Variants in L3MBTL4 observed in about 807,000 individuals in gnomAD.
L3MBTL4 encodes L3MBTL histone methyl-lysine binding protein 4.
L3MBTL4 carries 70 observed loss-of-function variants against 84.5 expected under a neutral mutation model. That is an observed-to-expected ratio of 0.83 (90% CI 0.68 to 1.01). The LOEUF is 1.01. Ranked by LOEUF, L3MBTL4 falls within the 50% of genes least tolerant of loss-of-function variation. The probability of loss-of-function intolerance (pLI) is 0.00; values close to 1 mark genes in which losing one functional copy is unlikely to be tolerated. For synonymous variants in L3MBTL4, 274 were observed against 259.8 expected, an observed-to-expected ratio of 1.05 and a Z score of -0.52; for missense variants, 715 against 754.8, an observed-to-expected ratio of 0.95 and a Z score of 0.62.
chr18:6,324,844 C>T (rs1212886586), intron 1 of L3MBTL4, among the ~76,000 whole-genome samples: 10 of 151,396 alleles, frequency 6.6e-5, no homozygotes, highest in Non-Finnish European at 1.5e-4. Context: ...GCAGACAGAA[C>T]AATCTACACA....
intron 12 of L3MBTL4, among the ~76,000 whole-genome samples, chr18:6,177,028 C>T (rs1298297139): frequency 6.6e-6 from 1 of 152,174 alleles, no homozygotes; most frequent in Non-Finnish European, 1.5e-5. Context: ...GCATTCATAC[C>T]AATGTCGGCA....
At chr18:6,305,196 A>C (rs570606901) in intron 3 of L3MBTL4, among the ~76,000 whole-genome samples, 1 of 152,358 alleles carries the variant, frequency 6.6e-6, no homozygotes, top group African/African-American at 2.4e-5. Context: ...GCAAATGGAA[A>C]AGTATTTAGT....
chr18:6,075,383 G>A (rs1270674534), intron 16 of L3MBTL4, among the ~76,000 whole-genome samples: 1 of 152,046 alleles, frequency 6.6e-6, no homozygotes, highest in Non-Finnish European at 1.5e-5. Context: ...CACATAAATG[G>A]TTACTCGATT....
intron 1 of L3MBTL4, among the ~76,000 whole-genome samples, chr18:6,358,898 G>A (rs564486799): frequency 6.6e-6 from 1 of 152,310 alleles, no homozygotes; most frequent in East Asian, 1.9e-4. Context: ...AACTTGCCAT[G>A]TCTATTTCTG....
intron 16 of L3MBTL4, among the ~76,000 whole-genome samples, chr18:6,019,197 C>T (rs993913553): frequency 2.6e-5 from 4 of 152,022 alleles, no homozygotes; most frequent in African/African-American, 7.3e-5. Flanking sequence ...GCTGATGAGG[C>T]GAGAGCTTAT....
In L3MBTL4 at chr18:6,341,396, T is replaced by G. The variant is rs184133319; in HGVS notation, c.-90-29340A>C. 8.6e-4 allele frequency among the ~76,000 whole-genome samples: 130 copies of G among 151,944 alleles called. 1 individual carries two copies. Among genetic ancestry groups the G allele is most frequent in the Non-Finnish European group, 6.8e-4 (46 of 67,956 alleles). Reference sequence around the variant, plus strand: ...AAACTAAATTATATAAGGGAAACAATGCATATGTGAAGTTAGAATTTCAAC... The same window carrying G: ...AAACTAAATTATATAAGGGAAACAAGGCATATGTGAAGTTAGAATTTCAAC... On this transcript the variant is annotated intron_variant, in intron 1 of 18. Coordinates refer to ENST00000317931, the MANE Select transcript of L3MBTL4 (RefSeq NM_001330559.2).
chr18:6,001,238 G>A (rs1940617), intron 16 of L3MBTL4, among the ~76,000 whole-genome samples: 23 of 152,188 alleles, frequency 1.5e-4, no homozygotes, highest in Non-Finnish European at 2.6e-4. Context: ...GGCTTCCAGG[G>A]TATGTGAAGA....
chr18:6,241,801 T>C (rs1454520964), intron 7 of L3MBTL4, among the ~76,000 whole-genome samples: 1 of 152,168 alleles, frequency 6.6e-6, no homozygotes, highest in African/African-American at 2.4e-5. Flanking sequence ...GGGAGTCTCA[T>C]CGCCCATTAA....
intron 1 of L3MBTL4, among the ~76,000 whole-genome samples, chr18:6,358,212 C>A (rs1465385536): frequency 6.6e-6 from 1 of 152,176 alleles, no homozygotes; most frequent in South Asian, 2.1e-4. Flanking sequence ...GTCTAACTTA[C>A]ACTTTACTAA....
At chr18:5,986,689 G>A (rs547022519) in intron 16 of L3MBTL4, among the ~76,000 whole-genome samples, 75 of 152,364 alleles carry the variant, frequency 4.9e-4, no homozygotes, top group African/African-American at 1.8e-3. Context: ...GCCTGAGTGA[G>A]TCTGTCTGGT....
intron 12 of L3MBTL4, among the ~76,000 whole-genome samples, chr18:6,176,397 C>G (rs985124046): frequency 2.0e-5 from 3 of 151,916 alleles, no homozygotes; most frequent in Admixed American, 2.0e-4. Context: ...ATAAATTGAT[C>G]CATATATATG....
chr18:6,256,094 A>G (rs1397037720), intron 5 of L3MBTL4, among the ~76,000 whole-genome samples: 1 of 152,222 alleles, frequency 6.6e-6, no homozygotes, highest in African/African-American at 2.4e-5. Flanking sequence ...GGGTATCTCA[A>G]AGTTTCACAA....
chr18:5,976,494 A>G (rs1044376237), intron 16 of L3MBTL4, among the ~76,000 whole-genome samples: 1 of 152,026 alleles, frequency 6.6e-6, no homozygotes, highest in African/African-American at 2.4e-5. Context: ...TCCAATTAAC[A>G]TGACTCTTGT....
chr18:6,289,933 T>C (rs2049775241), intron 4 of L3MBTL4, among the ~76,000 whole-genome samples: 1 of 152,226 alleles, frequency 6.6e-6, no homozygotes, highest in African/African-American at 2.4e-5. Flanking sequence ...TTTTTGTTTT[T>C]GTTTGTTTGA....
chr18:5,984,700 C>T (rs1385439771), intron 16 of L3MBTL4, among the ~76,000 whole-genome samples: 5 of 152,164 alleles, frequency 3.3e-5, no homozygotes, highest in Admixed American at 1.3e-4. Flanking sequence ...CTCATGTTCT[C>T]ATTTCTTTCT....
At chr18:6,346,728 C>T (rs890028135) in intron 1 of L3MBTL4, among the ~76,000 whole-genome samples, 1 of 152,002 alleles carries the variant, frequency 6.6e-6, no homozygotes, top group African/African-American at 2.4e-5. Flanking sequence ...AAAGGGAACC[C>T]TTGTATACAA....
chr18:6,039,015 C>G (rs917859145), intron 16 of L3MBTL4, among the ~76,000 whole-genome samples: 1 of 151,902 alleles, frequency 6.6e-6, no homozygotes, highest in Non-Finnish European at 1.5e-5. Flanking sequence ...CTCTCTCCCC[C>G]AACCTCCCTT....
intron 1 of L3MBTL4, among the ~76,000 whole-genome samples, chr18:6,354,891 A>G (rs1199763942): frequency 1.3e-5 from 2 of 152,214 alleles, no homozygotes; most frequent in Non-Finnish European, 2.9e-5. Context: ...AAAAAAAATT[A>G]AAAATAGAGT....
chr18:6,219,582 T>C lies in L3MBTL4; in HGVS notation c.785-3747A>G, dbSNP rs549962606. Among the ~76,000 whole-genome samples, 10 of 150,478 alleles carry C rather than the reference T, an allele frequency of 6.6e-5. No individual in the cohort carries two copies. The East Asian group carries it at 1.6e-3, about 24-fold the overall frequency. ...ACAGAAATTAGGATCAAGGAAGTAC[T>C]GAGCTAGGGCGTCGGCCACTCAGCC... On this transcript the variant is annotated intron_variant, in intron 10 of 18. Transcript: ENST00000317931.
Sources: gnomAD v4.1 joint callset for allele counts (sites outside exome capture counted in the v4.1 genomes callset) on GRCh38, gnomAD v4.1.1 for gene constraint, MANE v1.5 for transcripts, NCBI Gene and HGNC (gene_info 2026-07-23, HGNC 2026-07-21) for gene names.